The following MAP4K3 variants were observed in gnomAD, a reference collection of about 807,000 sequenced individuals.
MAP4K3 encodes the protein MAPK/ERK kinase kinase kinase 3.
Under a neutral mutation model 143.5 loss-of-function variants are expected in MAP4K3, and 94 were observed. The ratio of observed to expected loss-of-function variants is 0.65; its 90% CI spans 0.55 to 0.78. The LOEUF is 0.78. MAP4K3 is among the 30% of genes least tolerant of loss of function. The pLI, the probability that MAP4K3 is intolerant of heterozygous loss-of-function variation, is 0.00. For missense variants in MAP4K3, 1,077 were observed against 1,068.1 expected, an observed-to-expected ratio of 1.01 and a Z score of -0.12; for synonymous variants, 416 against 347.2, an observed-to-expected ratio of 1.20 and a Z score of -2.20.
chr2:39,257,838 G>C (rs979849754), intron 31 of MAP4K3, among the ~76,000 whole-genome samples: 2 of 151,640 alleles, frequency 1.3e-5, no homozygotes, highest in Non-Finnish European at 2.9e-5. Context: ...TTCTTACCAG[G>C]AAGATAACAT....
chr2:39,314,444 G>C (rs1392188606), intron 13 of MAP4K3, among the ~76,000 whole-genome samples: 1 of 152,166 alleles, frequency 6.6e-6, no homozygotes, highest in Non-Finnish European at 1.5e-5. Context: ...CGGAAAAATA[G>C]TTTTGTGGTG....
chr2:39,338,201 T>A (rs1665034890), intron 4 of MAP4K3, among the ~76,000 whole-genome samples: 1 of 152,170 alleles, frequency 6.6e-6, no homozygotes, highest in African/African-American at 2.4e-5. Context: ...ATTAATTATA[T>A]TCTCATTTTT....
Position 39,260,591 on chromosome 2 carries a change from AT to A in MAP4K3, c.2308+14del, listed in dbSNP as rs1326130270. On this transcript the variant is annotated intron_variant, in intron 29 of 33. Transcript: ENST00000263881. Reference sequence around the variant, plus strand: ...TATATGTATTACCCTTAATAATTCCATAAAAATTACAAACCTGATTCTGTAA... The same window carrying A: ...TATATGTATTACCCTTAATAATTCCAAAAAATTACAAACCTGATTCTGTAA... 2 of 1,611,954 alleles carry A rather than the reference AT, an allele frequency of 1.2e-6. No individual in the cohort carries two copies. Among genetic ancestry groups the A allele is most frequent in the African/African-American group, 1.3e-5 (1 of 74,970 alleles).
chr2:39,367,648 G>A (rs1471573120), intron 2 of MAP4K3, among the ~76,000 whole-genome samples: 1 of 152,044 alleles, frequency 6.6e-6, no homozygotes, highest in Non-Finnish European at 1.5e-5. Context: ...TTGGAAGCCT[G>A]TAGTCCCAGA....
intron 6 of MAP4K3, among the ~76,000 whole-genome samples, chr2:39,336,711 G>T (rs867232117): frequency 1.6e-4 from 24 of 152,008 alleles, no homozygotes; most frequent in African/African-American, 5.1e-4. Context: ...TCTACTGAAT[G>T]ATATACTTTA....
intron 15 of MAP4K3, among the ~76,000 whole-genome samples, chr2:39,302,626 G>C (rs17506800): frequency 2.6e-5 from 4 of 152,078 alleles, no homozygotes; most frequent in African/African-American, 9.7e-5. Flanking sequence ...TTGGAAAGGC[G>C]CTCAAACTAT....
chr2:39,366,768 G>C (rs1356083717), intron 2 of MAP4K3, among the ~76,000 whole-genome samples: 1 of 152,152 alleles, frequency 6.6e-6, no homozygotes, highest in African/African-American at 2.4e-5. Flanking sequence ...GAAATACTCT[G>C]AAACACTATA....
chr2:39,326,333 T>A (rs1683489044), intron 8 of MAP4K3, 56 bp from the exon 9 acceptor site: 3 of 1,572,448 alleles, frequency 1.9e-6, no homozygotes, highest in Non-Finnish European at 2.6e-6. Context: ...TCCTTTATAC[T>A]CCCACCCAGA....
chr2:39,372,301 T>C (rs1454752688), intron 2 of MAP4K3, among the ~76,000 whole-genome samples: 1 of 150,422 alleles, frequency 6.6e-6, no homozygotes, highest in Non-Finnish European at 1.5e-5. Context: ...CAAAAAAAAA[T>C]GGAAAGATAT....
At chr2:39,373,810 G>C (rs937255585) in intron 2 of MAP4K3, among the ~76,000 whole-genome samples, 3 of 152,088 alleles carry the variant, frequency 2.0e-5, no homozygotes, top group Non-Finnish European at 2.9e-5. Flanking sequence ...GGGCTTGGTG[G>C]GGGGGTAGAA....
intron 1 of MAP4K3, chr2:39,379,825 A>AT: frequency 5.9e-6 from 1 of 168,640 alleles, no homozygotes. Context: ...AGCTAGGATG[A>AT]TTATAACTGA....
chr2:39,399,410 T>C (rs1389015594), intron 1 of MAP4K3, among the ~76,000 whole-genome samples: 2 of 152,154 alleles, frequency 1.3e-5, no homozygotes, highest in Non-Finnish European at 2.9e-5. Context: ...AGTCAAAGAA[T>C]GAAAGCCTCA....
rs201416904 is a variant in MAP4K3, at chr2:39,325,527, A to G, written c.909T>C (p.Asp303=). 1.6e-4 allele frequency: 262 copies of G among 1,610,200 alleles called. No homozygotes were observed. The highest frequency in any genetic ancestry group is 2.2e-4 in the Non-Finnish European group (259 of 1,177,586). ...DHSTYHDFDD[D]DPEPLVAVPH... Reference sequence around the variant, plus strand: ...TAAAAGCAATTCCTACCTCAGGATCATCATCATCGAAATCATGGTAAGTGG... The same window carrying G: ...TAAAAGCAATTCCTACCTCAGGATCGTCATCATCGAAATCATGGTAAGTGG... Residue 303 remains aspartate (D), a synonymous_variant, in exon 12 of 34, where the codon GAT becomes GAC. Coordinates refer to ENST00000263881, the MANE Select transcript of MAP4K3 (RefSeq NM_003618.4).
chr2:39,289,704 G>A (rs1156762871), intron 19 of MAP4K3, among the ~76,000 whole-genome samples: 2 of 152,214 alleles, frequency 1.3e-5, no homozygotes, highest in African/African-American at 4.8e-5. Flanking sequence ...TGTAAGAAAT[G>A]TGAGTTTTCT....
chr2:39,300,963 T>C (rs1233917133), intron 15 of MAP4K3, among the ~76,000 whole-genome samples: 3 of 152,232 alleles, frequency 2.0e-5, no homozygotes, highest in Non-Finnish European at 4.4e-5. Flanking sequence ...TAAATGCTTG[T>C]TCAAATGCCA....
intron 1 of MAP4K3, among the ~76,000 whole-genome samples, chr2:39,415,269 T>C (rs1195427388): frequency 6.6e-6 from 1 of 152,228 alleles, no homozygotes; most frequent in Non-Finnish European, 1.5e-5. Flanking sequence ...TCAGATGTTT[T>C]ATGCTTACTG....
chr2:39,410,072 T>G (rs1169067183), intron 1 of MAP4K3, among the ~76,000 whole-genome samples: 2 of 152,224 alleles, frequency 1.3e-5, no homozygotes, highest in Admixed American at 1.3e-4. Flanking sequence ...ATCCTTTACG[T>G]TTTTCTGACT....
intron 16 of MAP4K3, among the ~76,000 whole-genome samples, chr2:39,297,439 G>A (rs940899733): frequency 1.3e-5 from 2 of 152,080 alleles, no homozygotes; most frequent in African/African-American, 4.8e-5. Flanking sequence ...TTTAAAAATA[G>A]TATTTTGTTG....
At chr2:39,324,981 A>C (rs1209482194) in intron 12 of MAP4K3, among the ~76,000 whole-genome samples, 1 of 152,176 alleles carries the variant, frequency 6.6e-6, no homozygotes. Context: ...GTATTATATA[A>C]GAATTTTTTT....
Sources: allele counts gnomAD v4.1 joint callset (sites outside exome capture counted in the v4.1 genomes callset), GRCh38; gene constraint gnomAD v4.1.1; transcripts MANE v1.5; gene names NCBI Gene and HGNC (gene_info 2026-07-23, HGNC 2026-07-21).